The following WDFY3 variants were observed in gnomAD, a reference collection of about 807,000 sequenced individuals.
WDFY3 encodes the protein WD repeat and FYVE domain-containing protein 3.
In WDFY3, 66 loss-of-function variants were observed where a neutral mutation model predicts 409.6. The ratio of observed to expected loss-of-function variants is 0.16; its 90% CI spans 0.13 to 0.20. The LOEUF (loss-of-function observed/expected upper bound fraction) is 0.20, where lower values mean the gene tolerates loss of function less well. WDFY3 is among the 10% of genes least tolerant of loss of function. WDFY3 has a pLI of 1.00. For synonymous variants in WDFY3, 1,521 were observed against 1,537.1 expected, an observed-to-expected ratio of 0.99 and a Z score of 0.25; for missense variants, 3,031 against 4,298.1, an observed-to-expected ratio of 0.71 and a Z score of 8.24.
chr4:84,750,195 C>T (rs1406289273), intron 36 of WDFY3, among the ~76,000 whole-genome samples: 1 of 152,158 alleles, frequency 6.6e-6, no homozygotes, highest in Non-Finnish European at 1.5e-5. Context: ...TACTGGTCAT[C>T]TCTCTTAGAG....
intron 25 of WDFY3, among the ~76,000 whole-genome samples, chr4:84,781,313 AAAAAT>A (rs1231888513): frequency 2.6e-5 from 4 of 152,172 alleles, no homozygotes; most frequent in African/African-American, 9.6e-5. Flanking sequence ...TGAGATTTTA[AAAAAT>A]AAAAGTAACA....
At chr4:84,819,006 A>G (rs1351333758) in intron 12 of WDFY3, among the ~76,000 whole-genome samples, 1 of 152,150 alleles carries the variant, frequency 6.6e-6, no homozygotes, top group East Asian at 1.9e-4. Flanking sequence ...AAACCTAGTT[A>G]GTGGAAATAA....
chr4:84,861,183 C>T (rs1002022239), intron 3 of WDFY3, among the ~76,000 whole-genome samples: 1 of 152,158 alleles, frequency 6.6e-6, no homozygotes, highest in South Asian at 2.1e-4. Context: ...TGCATTTCAG[C>T]TTGGGTGACA....
At chr4:84,823,272 C>A (rs1337953072) in intron 10 of WDFY3, among the ~76,000 whole-genome samples, 1 of 152,006 alleles carries the variant, frequency 6.6e-6, no homozygotes, top group Non-Finnish European at 1.5e-5. Context: ...TTACTTTCTA[C>A]CCTCTATGAT....
At chr4:84,721,769 T>A (rs1168205068) in intron 46 of WDFY3, among the ~76,000 whole-genome samples, 197 bp from the exon 47 acceptor site, 1 of 152,176 alleles carries the variant, frequency 6.6e-6, no homozygotes, top group Non-Finnish European at 1.5e-5. Context: ...TTTCTGAACC[T>A]TAGTTTCTTA....
At chr4:84,682,306 A>C in intron 64 of WDFY3, 68 bp downstream of exon 64, 1 of 1,464,324 alleles carries the variant, frequency 6.8e-7, no homozygotes, top group Non-Finnish European at 9.4e-7. Flanking sequence ...GTTTGGTATA[A>C]GCTTATCCAC....
intron 15 of WDFY3, chr4:84,803,824 C>A (rs556476864): frequency 4.4e-4 from 73 of 164,314 alleles, no homozygotes; most frequent in Non-Finnish European, 4.1e-4. Context: ...TCCAATAATA[C>A]GTGATGAGAG....
chr4:84,959,092 C>G (rs1296407849), intron 1 of WDFY3, among the ~76,000 whole-genome samples: 1 of 152,108 alleles, frequency 6.6e-6, no homozygotes. Flanking sequence ...AGAATTTAAG[C>G]TCCCTGATAT....
At chr4:84,878,704 A>G (rs775541183) in intron 3 of WDFY3, among the ~76,000 whole-genome samples, 5 of 152,310 alleles carry the variant, frequency 3.3e-5, no homozygotes, top group Non-Finnish European at 5.9e-5. Context: ...TGTAAGCTAC[A>G]TCTTAAAATC....
chr4:84,723,884 T>C (rs1735237496), intron 46 of WDFY3, among the ~76,000 whole-genome samples: 1 of 152,156 alleles, frequency 6.6e-6, no homozygotes, highest in South Asian at 2.1e-4. Context: ...CATGTAAAAG[T>C]ACAGAATCCG....
intron 13 of WDFY3, among the ~76,000 whole-genome samples, chr4:84,815,937 A>G (rs1231559973): frequency 6.6e-6 from 1 of 152,142 alleles, no homozygotes; most frequent in African/African-American, 2.4e-5. Flanking sequence ...ATTTTACTTG[A>G]ATCAATTATT....
chr4:84,738,749 A>C (rs186857680), intron 40 of WDFY3, among the ~76,000 whole-genome samples: 1 of 152,312 alleles, frequency 6.6e-6, no homozygotes, highest in Admixed American at 6.5e-5. Flanking sequence ...CCAAGGTAGT[A>C]TTTGTACTTC....
At chr4:84,715,688 T>A (rs1478455607) in intron 49 of WDFY3, among the ~76,000 whole-genome samples, 1 of 142,126 alleles carries the variant, frequency 7.0e-6, no homozygotes, top group Non-Finnish European at 1.5e-5. Context: ...GGCAGGAGAA[T>A]GGCATGATCC....
chr4:84,778,782 C>CA, intron 26 of WDFY3, 127 bp from the exon 27 acceptor site: 3 of 779,648 alleles, frequency 3.8e-6, no homozygotes, highest in Non-Finnish European at 5.5e-6. Context: ...CACACAGAAT[C>CA]CTATGTAGAT....
intron 55 of WDFY3, 146 bp from the exon 56 acceptor site, chr4:84,702,652 T>G: frequency 1.5e-6 from 1 of 647,482 alleles, no homozygotes; most frequent in Non-Finnish European, 2.4e-6. Flanking sequence ...AAATTTTTAA[T>G]AAACATAAAA....
intron 58 of WDFY3, among the ~76,000 whole-genome samples, chr4:84,695,367 A>G (rs1729914069): frequency 6.6e-6 from 1 of 151,560 alleles, no homozygotes; most frequent in Non-Finnish European, 1.5e-5. Context: ...TATGTCAACA[A>G]TCTAACCCAA....
In WDFY3 at chr4:84,780,105, A is replaced by T. The variant is rs770786525; in HGVS notation, c.4365+3T>A. The T allele has an allele frequency of 3.8e-6, 6 of 1,581,604 alleles. No homozygotes were observed. In the African/African-American group the frequency reaches 8.1e-5, roughly 21 times the overall value. ...GTGAAGGCAAAGTTTTACAGTTACAAACCTGGTAGCCCTTGATTCTTTCCA... is the reference window on the plus strand; with the variant it reads ...GTGAAGGCAAAGTTTTACAGTTACATACCTGGTAGCCCTTGATTCTTTCCA... On this transcript the variant is annotated splice_donor_region_variant and intron_variant, in intron 26 of 67. Coordinates refer to ENST00000295888, the MANE Select transcript of WDFY3 (RefSeq NM_014991.6).
At position 84,804,226 on chromosome 4, in the gene WDFY3, C is replaced by T. The variant is rs559334758; in HGVS notation, c.2430-759G>A. 2.6e-5 allele frequency: 4 copies of T among 152,302 alleles called. No individual in the cohort carries two copies. The East Asian group carries it at 5.8e-4, about 22-fold the overall frequency. 9.4% of individuals were successfully genotyped at this position (152,302 alleles called of 1,614,324 possible). ...TCATCTACAATTCATGAATTTTGCACATTTTGCATCTTGGCACTAAGAAAC... is the reference window on the plus strand; with the variant it reads ...TCATCTACAATTCATGAATTTTGCATATTTTGCATCTTGGCACTAAGAAAC... On this transcript the variant is annotated intron_variant, in intron 15 of 67. Coordinates refer to ENST00000295888, the MANE Select transcript of WDFY3 (RefSeq NM_014991.6).
chr4:84,767,154 C>CT (rs1400098193), intron 30 of WDFY3, among the ~76,000 whole-genome samples: 1 of 151,782 alleles, frequency 6.6e-6, no homozygotes, highest in Non-Finnish European at 1.5e-5. Context: ...ATGTCTCTGT[C>CT]TTATTTTGGT....
Sources: gnomAD v4.1 joint callset for allele counts (sites outside exome capture counted in the v4.1 genomes callset) on GRCh38, gnomAD v4.1.1 for gene constraint, MANE v1.5 for transcripts, NCBI Gene and HGNC (gene_info 2026-07-23, HGNC 2026-07-21) for gene names.